The following IL1RAP variants were observed in gnomAD, a reference collection of about 807,000 sequenced individuals.
IL1RAP encodes interleukin 1 receptor accessory protein.
IL1RAP carries 35 observed loss-of-function variants against 60.7 expected under a neutral mutation model. That is an observed-to-expected ratio of 0.58 (90% CI 0.44 to 0.76). The LOEUF is 0.76. Ranked by LOEUF, IL1RAP falls within the 30% of genes least tolerant of loss-of-function variation. The probability of loss-of-function intolerance (pLI) is 0.00; values close to 1 mark genes in which losing one functional copy is unlikely to be tolerated. For synonymous variants in IL1RAP, 268 were observed against 250.9 expected (o/e 1.07, Z -0.64); for missense variants, 572 against 693.9 (o/e 0.82, Z 1.97).
intron 1 of IL1RAP, among the ~76,000 whole-genome samples, chr3:190,546,062 C>A (rs527338125): frequency 6.6e-6 from 1 of 152,054 alleles, no homozygotes; most frequent in Non-Finnish European, 1.5e-5. Flanking sequence ...GACTATGCAT[C>A]GGTATGATTA....
At chr3:190,625,200 T>G (rs1467916220) in intron 7 of IL1RAP, 2 of 152,368 alleles carry the variant, frequency 1.3e-5, no homozygotes, top group East Asian at 3.9e-4. Flanking sequence ...GTGCATTTTG[T>G]GCATCCTTCT....
At chr3:190,635,049 A>G (rs746350428) in intron 9 of IL1RAP, among the ~76,000 whole-genome samples, 2 of 151,982 alleles carry the variant, frequency 1.3e-5, no homozygotes, top group Non-Finnish European at 2.9e-5. Flanking sequence ...TTAATTATGA[A>G]TTCAGTGTCC....
Position 190,627,247 on chromosome 3 carries a change from T to C in IL1RAP, c.776-76T>C, listed in dbSNP as rs1732370100. 9.5e-6 allele frequency: 12 copies of C among 1,268,746 alleles called. 1 individual carries two copies. In the South Asian group the frequency reaches 1.7e-4, roughly 18 times the overall value. 78.6% of individuals were successfully genotyped at this position (1,268,746 alleles called of 1,614,324 possible). A position where few individuals can be genotyped will look rare whatever the true frequency, so the allele number is the denominator to read the frequency against. ...GATAAACACTAATGGGCTAACTTTG[T>C]CTTTGTTTTTTGTTTTGTTTTGTTT... On this transcript the variant is annotated intron_variant, in intron 7 of 11. Coordinates refer to ENST00000447382, the MANE Select transcript of IL1RAP (RefSeq NM_002182.4).
intron 5 of IL1RAP, among the ~76,000 whole-genome samples, chr3:190,611,780 C>G (rs1216449140): frequency 6.6e-6 from 1 of 151,652 alleles, no homozygotes; most frequent in African/African-American, 2.4e-5. Context: ...TTTGTATGTG[C>G]TTTATTTTAC....
intron 2 of IL1RAP, among the ~76,000 whole-genome samples, chr3:190,561,568 A>C (rs368823879): frequency 1.3e-5 from 2 of 152,318 alleles, no homozygotes; most frequent in East Asian, 1.9e-4. Context: ...TGCCTTAGGA[A>C]TTCAGCAGCT....
intron 9 of IL1RAP, chr3:190,642,045 T>G (rs957596522): frequency 6.6e-6 from 1 of 152,236 alleles, no homozygotes; most frequent in African/African-American, 2.4e-5. Flanking sequence ...ATCCCCAGTT[T>G]AGGATAATAA....
chr3:190,620,629 C>T (rs1731697856), intron 6 of IL1RAP, among the ~76,000 whole-genome samples, 189 bp downstream of exon 6: 1 of 152,084 alleles, frequency 6.6e-6, no homozygotes, highest in African/African-American at 2.4e-5. Context: ...TGTTGGTCAA[C>T]TGAATGAATA....
At chr3:190,553,680 G>A (rs1252250247) in intron 1 of IL1RAP, among the ~76,000 whole-genome samples, 1 of 152,202 alleles carries the variant, frequency 6.6e-6, no homozygotes, top group African/African-American at 2.4e-5. Flanking sequence ...GTTGGACTGA[G>A]GCCGTCTTTT....
chr3:190,631,177 A>G (rs1347728521), intron 9 of IL1RAP, among the ~76,000 whole-genome samples: 2 of 152,172 alleles, frequency 1.3e-5, no homozygotes, highest in African/African-American at 4.8e-5. Flanking sequence ...TTGACTCCAG[A>G]TTTCTTAAGT....
chr3:190,650,746 C>T lies in IL1RAP; in HGVS notation c.*2041C>T. On this transcript the variant is annotated 3_prime_UTR_variant, in exon 12 of 12. Coordinates refer to ENST00000447382, the MANE Select transcript of IL1RAP (RefSeq NM_002182.4). ...TATTAATATTTTTCCCTATTAGAAA[C>T]CACAATTACTCCCTCTATTAACCCT... is the stretch of plus-strand genomic sequence containing the variant. 1.0e-6 allele frequency: 1 copy of T among 983,006 alleles called. No individual in the cohort carries two copies. The highest frequency in any genetic ancestry group is 6.2e-5 in the Admixed American group (1 of 16,260). 60.9% of individuals were successfully genotyped at this position (983,006 alleles called of 1,614,324 possible).
chr3:190,627,768 A>T (rs372408571), intron 8 of IL1RAP, among the ~76,000 whole-genome samples: 2 of 152,318 alleles, frequency 1.3e-5, no homozygotes, highest in African/African-American at 4.8e-5. Context: ...TGATACCCAC[A>T]TGGAAGTAGA....
chr3:190,585,106 G>A (rs760503117), intron 3 of IL1RAP, among the ~76,000 whole-genome samples: 6 of 152,144 alleles, frequency 3.9e-5, no homozygotes, highest in African/African-American at 9.7e-5. Context: ...TTGAGGCCCC[G>A]AAGAGAGAAA....
At chr3:190,560,624 C>T (rs1725803682) in intron 2 of IL1RAP, among the ~76,000 whole-genome samples, 1 of 152,090 alleles carries the variant, frequency 6.6e-6, no homozygotes, top group Non-Finnish European at 1.5e-5. Context: ...GAGCGGAAGG[C>T]AGGCAGAACA....
At chr3:190,597,773 T>A (rs549128818) in intron 3 of IL1RAP, among the ~76,000 whole-genome samples, 65 of 152,366 alleles carry the variant, frequency 4.3e-4, no homozygotes, top group South Asian at 3.7e-3. Context: ...GGTCTGAGTA[T>A]ATGCTTGCCG....
At chr3:190,572,564 G>A (rs1437473988) in intron 3 of IL1RAP, among the ~76,000 whole-genome samples, 2 of 152,166 alleles carry the variant, frequency 1.3e-5, no homozygotes, top group African/African-American at 2.4e-5. Context: ...TGGATCTGAT[G>A]TAAACCCGGC....
At chr3:190,588,515 T>C (rs888058894) in intron 3 of IL1RAP, among the ~76,000 whole-genome samples, 2 of 152,206 alleles carry the variant, frequency 1.3e-5, no homozygotes, top group African/African-American at 2.4e-5. Context: ...TGTCTTGGAC[T>C]TGACAGTGTT....
At chr3:190,614,346 G>C (rs1731077267) in intron 5 of IL1RAP, among the ~76,000 whole-genome samples, 1 of 151,850 alleles carries the variant, frequency 6.6e-6, no homozygotes, top group African/African-American at 2.4e-5. Context: ...GAAAGAAAGA[G>C]GAAACTAATA....
At chr3:190,629,322 G>A in intron 8 of IL1RAP, 28 bp from the exon 9 acceptor site, 1 of 1,522,390 alleles carries the variant, frequency 6.6e-7, no homozygotes. Context: ...ACTCTCAAAT[G>A]CTTTGATTTT....
intron 3 of IL1RAP, among the ~76,000 whole-genome samples, chr3:190,597,299 G>A (rs1729459991): frequency 6.6e-6 from 1 of 152,174 alleles, no homozygotes; most frequent in Admixed American, 6.5e-5. Flanking sequence ...ATTAACTTAT[G>A]TTATGAAAGG....
Sources: gnomAD v4.1 joint callset for allele counts (sites outside exome capture counted in the v4.1 genomes callset) on GRCh38, gnomAD v4.1.1 for gene constraint, MANE v1.5 for transcripts, NCBI Gene and HGNC (gene_info 2026-07-23, HGNC 2026-07-21) for gene names.